DLGAP1: variants seen among roughly 807,000 people sequenced by gnomAD.
DLGAP1 encodes DLG associated protein 1.
A neutral mutation model predicts 90.8 loss-of-function variants in DLGAP1; 11 were observed. The ratio of observed to expected loss-of-function variants is 0.12; its 90% confidence interval spans 0.08 to 0.20. DLGAP1 has a LOEUF of 0.20. Among genes scored for constraint, DLGAP1 ranks in the 10% least tolerant of loss-of-function variants. The probability of loss-of-function intolerance (pLI) is 1.00; values close to 1 mark genes in which losing one functional copy is unlikely to be tolerated. For synonymous variants in DLGAP1, 558 were observed against 540.7 expected, an observed-to-expected ratio of 1.03 and a Z score of -0.44; for missense variants, 1,050 against 1,333.8, an observed-to-expected ratio of 0.79 and a Z score of 3.31.
intron 2 of DLGAP1, among the ~76,000 whole-genome samples, chr18:4,037,771 C>T (rs2074912639): frequency 1.3e-5 from 2 of 152,172 alleles, no homozygotes; most frequent in Admixed American, 1.3e-4. Context: ...ACCAGCCTGG[C>T]CAACATAGTG....
rs1251502027 is a variant in DLGAP1 at position 3,952,542 on chromosome 18, G to A, written c.-73+52574C>T. 2.6e-5 allele frequency among the ~76,000 whole-genome samples: 4 copies of A among 152,236 alleles called. No individual in the cohort carries two copies. The East Asian group carries it at 5.8e-4, about 22-fold the overall frequency. ...ACTGGTTGATCATGGCCACAAACCTGTAGCCTCAGCCCCACTTAGCCTAGT... is the reference window on the plus strand; with the variant it reads ...ACTGGTTGATCATGGCCACAAACCTATAGCCTCAGCCCCACTTAGCCTAGT... On this transcript the variant is annotated intron_variant, in intron 3 of 12. Coordinates refer to ENST00000315677, the MANE Select transcript of DLGAP1 (RefSeq NM_004746.4).
intron 3 of DLGAP1, among the ~76,000 whole-genome samples, chr18:3,886,264 T>C (rs2071310534): frequency 6.6e-6 from 1 of 152,194 alleles, no homozygotes; most frequent in Non-Finnish European, 1.5e-5. Flanking sequence ...GGTCAAGCTG[T>C]CCTAAAAATT....
chr18:3,670,959 C>T (rs899738029), intron 7 of DLGAP1, among the ~76,000 whole-genome samples: 1 of 152,198 alleles, frequency 6.6e-6, no homozygotes, highest in African/African-American at 2.4e-5. Context: ...AATAATCTCC[C>T]ACTGCTCTTC....
At chr18:3,556,576 T>G (rs2053762663) in intron 9 of DLGAP1, among the ~76,000 whole-genome samples, 2 of 152,242 alleles carry the variant, frequency 1.3e-5, no homozygotes, top group Admixed American at 6.5e-5. Context: ...CATGTCTTTT[T>G]GTGGCTCAAT....
chr18:3,625,322 T>G (rs1042472123), intron 7 of DLGAP1, among the ~76,000 whole-genome samples: 1 of 152,118 alleles, frequency 6.6e-6, no homozygotes, highest in Non-Finnish European at 1.5e-5. Flanking sequence ...CGTGAGAGGT[T>G]GTGTGTGTGT....
At chr18:3,893,308 G>A (rs1341189420) in intron 3 of DLGAP1, among the ~76,000 whole-genome samples, 2 of 152,080 alleles carry the variant, frequency 1.3e-5, no homozygotes, top group African/African-American at 4.8e-5. Flanking sequence ...CGGGTGTGGT[G>A]GCTCATGCCT....
chr18:3,504,198 A>T (rs1246694846), intron 11 of DLGAP1, among the ~76,000 whole-genome samples: 1 of 152,210 alleles, frequency 6.6e-6, no homozygotes, highest in African/African-American at 2.4e-5. Context: ...AATAAATTTT[A>T]AAGTTTATAA....
rs538513071 is a variant in DLGAP1 at position 4,249,327 on chromosome 18, T to C, written c.-266-98040A>G. Among the ~76,000 whole-genome samples the C allele has an allele frequency of 9.2e-5, 14 of 151,642 alleles. No homozygotes were observed. In the South Asian group the frequency reaches 1.9e-3, roughly 20 times the overall value. On this transcript the variant is annotated intron_variant, in intron 1 of 12. Coordinates refer to ENST00000315677, the MANE Select transcript of DLGAP1 (RefSeq NM_004746.4). ...AATTAATACATGAATGAAGGATGTA[T>C]GGAATTTTGTTTTTTAAAATAAAGA...
At chr18:3,899,101 C>A (rs1020753667) in intron 3 of DLGAP1, among the ~76,000 whole-genome samples, 10 of 152,178 alleles carry the variant, frequency 6.6e-5, no homozygotes, top group African/African-American at 1.7e-4. Flanking sequence ...CTACACTACA[C>A]TTATGAGCAA....
At chr18:4,453,978 T>C (rs531486337) in intron 1 of DLGAP1, among the ~76,000 whole-genome samples, 1 of 152,144 alleles carries the variant, frequency 6.6e-6, no homozygotes, top group Non-Finnish European at 1.5e-5. Flanking sequence ...TCCGCAGCGC[T>C]ACGGTCGGGC....
chr18:3,751,381 C>T (rs1452941572), intron 5 of DLGAP1, among the ~76,000 whole-genome samples: 1 of 152,006 alleles, frequency 6.6e-6, no homozygotes, highest in Non-Finnish European at 1.5e-5. Context: ...ACTGAGGCCT[C>T]GAACTCCTGG....
intron 3 of DLGAP1, among the ~76,000 whole-genome samples, chr18:3,899,638 T>C (rs1450788476): frequency 6.6e-6 from 1 of 152,226 alleles, no homozygotes; most frequent in Admixed American, 6.5e-5. Context: ...TTCCCATTGC[T>C]TTGAATTTCT....
intron 7 of DLGAP1, among the ~76,000 whole-genome samples, chr18:3,670,068 A>G (rs1614218): frequency 0.66 from 99,641 of 152,050 alleles, 34,586 homozygotes; most frequent in African/African-American, 0.89. Context: ...ATTTCATTAT[A>G]ACGATAGGAA....
At chr18:4,392,770 C>T (rs1490857188) in intron 1 of DLGAP1, among the ~76,000 whole-genome samples, 1 of 152,180 alleles carries the variant, frequency 6.6e-6, no homozygotes, top group Non-Finnish European at 1.5e-5. Context: ...GTCTGCTTGG[C>T]ATTTTCTCCT....
Position 4,107,321 on chromosome 18 carries a change from C to A in DLGAP1, c.-159+43859G>T, listed in dbSNP as rs115346041. 3.4e-3 allele frequency among the ~76,000 whole-genome samples: 514 copies of A among 152,284 alleles called. 3 individuals carry two copies. Among genetic ancestry groups the A allele is most frequent in the African/African-American group, 0.012 (494 of 41,556 alleles). ...AATCACACAGTGAATTTTCCACCGG[C>A]GAAATTTACTAGGGAAAGCCGTCTG... On this transcript the variant is annotated intron_variant, in intron 2 of 12. Transcript: ENST00000315677.
intron 2 of DLGAP1, among the ~76,000 whole-genome samples, chr18:4,024,459 T>C (rs8085007): frequency 0.24 from 37,079 of 152,032 alleles, 4,817 homozygotes; most frequent in South Asian, 0.38. Context: ...ACTAATGCTT[T>C]TTCACGGAAA....
At chr18:3,957,014 C>T (rs2073098299) in intron 3 of DLGAP1, among the ~76,000 whole-genome samples, 1 of 152,150 alleles carries the variant, frequency 6.6e-6, no homozygotes, top group Non-Finnish European at 1.5e-5. Flanking sequence ...AAATAATGGT[C>T]CCCCAAGACA....
intron 1 of DLGAP1, among the ~76,000 whole-genome samples, chr18:4,437,815 T>A (rs918953626): frequency 8.6e-5 from 13 of 151,942 alleles, no homozygotes; most frequent in African/African-American, 3.1e-4. Context: ...AGTTGGAGGG[T>A]TATATTAAGG....
intron 1 of DLGAP1, among the ~76,000 whole-genome samples, chr18:4,161,451 C>T (rs2076843980): frequency 6.6e-6 from 1 of 152,106 alleles, no homozygotes; most frequent in Admixed American, 6.5e-5. Flanking sequence ...GCATAGTATT[C>T]CATGGTATAT....
Sources: allele counts gnomAD v4.1 joint callset (sites outside exome capture counted in the v4.1 genomes callset), GRCh38; gene constraint gnomAD v4.1.1; transcripts MANE v1.5; gene names NCBI Gene and HGNC (gene_info 2026-07-23, HGNC 2026-07-21).